EIF4G3: variants seen among roughly 807,000 people sequenced by gnomAD.
EIF4G3 encodes eukaryotic translation initiation factor 4 gamma 3.
Under a neutral mutation model 186.4 loss-of-function variants are expected in EIF4G3, and 34 were observed. The observed-to-expected ratio is 0.18, with a 90% CI of 0.14 to 0.24. The LOEUF (loss-of-function observed/expected upper bound fraction) is 0.24. Among genes scored for constraint, EIF4G3 ranks in the 10% least tolerant of loss-of-function variants. The pLI is 1.00. For missense variants in EIF4G3, 1,536 were observed against 1,948.5 expected (o/e 0.79, Z 3.99); for synonymous variants, 673 against 679.5 (o/e 0.99, Z 0.15).
intron 19 of EIF4G3, among the ~76,000 whole-genome samples, chr1:20,879,987 G>A (rs971138218): frequency 2.0e-5 from 3 of 151,338 alleles, no homozygotes; most frequent in Admixed American, 6.6e-5. Flanking sequence ...TGAAACACTA[G>A]GCAGGAGTCT....
chr1:21,029,363 G>T (rs1339529739), intron 4 of EIF4G3, among the ~76,000 whole-genome samples: 1 of 151,870 alleles, frequency 6.6e-6, no homozygotes, highest in African/African-American at 2.4e-5. Context: ...ACAGGTAATG[G>T]AATTTCCAAA....
Position 20,880,124 on chromosome 1 carries a change from T to C in EIF4G3, c.2425-604A>G, listed in dbSNP as rs1225047067. On this transcript the variant is annotated intron_variant, in intron 19 of 36. Transcript: ENST00000602326. Reference sequence around the variant, plus strand: ...GGCAAAATGATTTTTGCCCCTAAGATTGAGAATAATGCAAAAAATGTTTCT... The same window carrying C: ...GGCAAAATGATTTTTGCCCCTAAGACTGAGAATAATGCAAAAAATGTTTCT... Among the ~76,000 whole-genome samples the C allele has an allele frequency of 3.3e-5, 5 of 152,172 alleles. No individual in the cohort carries two copies. The East Asian group carries it at 9.6e-4, about 29-fold the overall frequency.
intron 7 of EIF4G3, among the ~76,000 whole-genome samples, chr1:20,984,420 T>G (rs1165181724): frequency 6.6e-6 from 1 of 151,524 alleles, no homozygotes; most frequent in African/African-American, 2.4e-5. Context: ...CACCTTGGCC[T>G]CCCCCAAAGT....
intron 4 of EIF4G3, among the ~76,000 whole-genome samples, chr1:21,041,324 G>C (rs2093569409): frequency 6.6e-6 from 1 of 152,138 alleles, no homozygotes; most frequent in Admixed American, 6.5e-5. Context: ...TTGGGCTCAA[G>C]CTATCCTTCC....
chr1:20,904,823 A>G lies in EIF4G3; in HGVS notation c.1752+60T>C, dbSNP rs560589788. 1.1e-5 allele frequency: 15 copies of G among 1,307,588 alleles called. No individual in the cohort carries two copies. The South Asian group carries it at 1.6e-4, about 14-fold the overall frequency. 81.0% of individuals were successfully genotyped at this position (1,307,588 alleles called of 1,614,324 possible). Reference sequence around the variant, plus strand: ...ACTATTTCAATAAATAGGTATAAACACATACCTGTCTATGAAATGGCACCA... The same window carrying G: ...ACTATTTCAATAAATAGGTATAAACGCATACCTGTCTATGAAATGGCACCA... On this transcript the variant is annotated intron_variant, in intron 15 of 36. Transcript: ENST00000602326.
chr1:20,893,118 A>C (rs1366580826), intron 18 of EIF4G3: 5 of 175,466 alleles, frequency 2.8e-5, no homozygotes, highest in Non-Finnish European at 4.5e-5. Context: ...TTTGTGGTAG[A>C]GACAGGGTCT....
At chr1:21,132,793 A>G (rs1490554521) in intron 2 of EIF4G3, among the ~76,000 whole-genome samples, 1 of 151,356 alleles carries the variant, frequency 6.6e-6, no homozygotes, top group African/African-American at 2.4e-5. Flanking sequence ...TTTTTATTTT[A>G]TCTTTTGGAG....
chr1:21,100,741 G>C (rs1436569364), intron 2 of EIF4G3, among the ~76,000 whole-genome samples: 1 of 151,728 alleles, frequency 6.6e-6, no homozygotes, highest in Non-Finnish European at 1.5e-5. Context: ...AAGTAGTATG[G>C]CTTATCCTGC....
In EIF4G3 at chr1:20,886,190, T is replaced by C; in HGVS notation, c.2424+11A>G. 7 of 1,605,536 alleles carry C rather than the reference T, an allele frequency of 4.4e-6. No homozygotes were observed. Among genetic ancestry groups the C allele is most frequent in the Non-Finnish European group, 5.9e-6 (7 of 1,177,496 alleles). On this transcript the variant is annotated intron_variant, in intron 19 of 36. Transcript: ENST00000602326. ...TTTCAAAAGAATGTTAGGATATGCTTTTGTTCTCACCTGGGTTTTAATGTT... is the reference window on the plus strand; with the variant it reads ...TTTCAAAAGAATGTTAGGATATGCTCTTGTTCTCACCTGGGTTTTAATGTT...
At chr1:21,120,283 G>C (rs1455960419) in intron 2 of EIF4G3, among the ~76,000 whole-genome samples, 12 of 151,334 alleles carry the variant, frequency 7.9e-5, no homozygotes. Context: ...TGTTCCAATT[G>C]AGTAATCACT....
chr1:20,902,971 G>A (rs2090885452), intron 15 of EIF4G3, among the ~76,000 whole-genome samples: 1 of 152,220 alleles, frequency 6.6e-6, no homozygotes, highest in South Asian at 2.1e-4. Context: ...AAGAAAAAGT[G>A]ATTGGTTCAA....
Position 20,903,607 on chromosome 1 carries a change from C to T in EIF4G3, c.1752+1276G>A, listed in dbSNP as rs376646275. On this transcript the variant is annotated intron_variant, in intron 15 of 36. Coordinates refer to ENST00000602326, the MANE Select transcript of EIF4G3 (RefSeq NM_001391906.1). Reference sequence around the variant, plus strand: ...CTATTTGCACCTCTATACCTTACTGCCAAGTTTTACACCCTAATAACCACA... The same window carrying T: ...CTATTTGCACCTCTATACCTTACTGTCAAGTTTTACACCCTAATAACCACA... Among the ~76,000 whole-genome samples the T allele has an allele frequency of 7.9e-4, 121 of 152,250 alleles. No individual in the cohort carries two copies. The South Asian group carries it at 0.011, about 14-fold the overall frequency.
At chr1:20,882,739 C>T (rs1318227635) in intron 19 of EIF4G3, among the ~76,000 whole-genome samples, 2 of 151,562 alleles carry the variant, frequency 1.3e-5, no homozygotes, top group Non-Finnish European at 2.9e-5. Context: ...GAAGCTTCAG[C>T]GAGCCATCAT....
intron 3 of EIF4G3, among the ~76,000 whole-genome samples, chr1:21,068,864 T>C (rs10916930): frequency 0.4 from 60,643 of 151,964 alleles, 12,712 homozygotes; most frequent in Middle Eastern, 0.52. Flanking sequence ...TTGGAACACC[T>C]GCAAACAGTT....
At position 21,009,917 on chromosome 1, in the gene EIF4G3, T is replaced by G. The variant is rs765359627; in HGVS notation, c.-66-7109A>C. On this transcript the variant is annotated intron_variant, in intron 4 of 36. Coordinates refer to ENST00000602326, the MANE Select transcript of EIF4G3 (RefSeq NM_001391906.1). Reference sequence around the variant, plus strand: ...ATCTGCCCGCCTCGGCCTCCCAAAGTGCTGGGATTACAGACGTGAGCCACC... The same window carrying G: ...ATCTGCCCGCCTCGGCCTCCCAAAGGGCTGGGATTACAGACGTGAGCCACC... Among the ~76,000 whole-genome samples the G allele has an allele frequency of 2.0e-5, 3 of 152,052 alleles. No homozygotes were observed. The South Asian group carries it at 6.2e-4, about 32-fold the overall frequency.
chr1:21,060,987 G>A (rs370332969), intron 3 of EIF4G3, among the ~76,000 whole-genome samples: 2 of 152,212 alleles, frequency 1.3e-5, no homozygotes, highest in East Asian at 3.9e-4. Context: ...GAATACATCA[G>A]TAAAAGAGAC....
At chr1:20,882,173 A>T (rs1256309585) in intron 19 of EIF4G3, among the ~76,000 whole-genome samples, 1 of 121,264 alleles carries the variant, frequency 8.2e-6, no homozygotes, top group African/African-American at 3.1e-5. Context: ...AAAAAAGAAA[A>T]ATTACACACA....
At chr1:21,138,703 C>T (rs761957156) in intron 2 of EIF4G3, among the ~76,000 whole-genome samples, 1 of 152,018 alleles carries the variant, frequency 6.6e-6, no homozygotes, top group Non-Finnish European at 1.5e-5. Context: ...CCCAGCTACT[C>T]AGGTGGCTGA....
intron 2 of EIF4G3, among the ~76,000 whole-genome samples, chr1:21,108,864 C>T (rs1009926538): frequency 9.3e-5 from 12 of 128,472 alleles, no homozygotes; most frequent in African/African-American, 3.7e-4. Flanking sequence ...GATCGCGCCA[C>T]TGCACTCCAG....
Sources: allele counts gnomAD v4.1 joint callset (sites outside exome capture counted in the v4.1 genomes callset), GRCh38; gene constraint gnomAD v4.1.1; transcripts MANE v1.5; gene names NCBI Gene and HGNC (gene_info 2026-07-23, HGNC 2026-07-21).